Variants in EIF2S2 observed in about 807,000 individuals in gnomAD.
EIF2S2 encodes eukaryotic translation initiation factor 2 subunit beta.
Under a neutral mutation model 44.0 loss-of-function variants are expected in EIF2S2, and 4 were observed. That is an observed-to-expected ratio of 0.09 (90% confidence interval 0.04 to 0.21). EIF2S2 has a LOEUF of 0.21. EIF2S2 is among the 10% of genes least tolerant of loss of function. The pLI, the probability that EIF2S2 is intolerant of heterozygous loss-of-function variation, is 1.00. For missense variants in EIF2S2, 154 were observed against 392.0 expected (o/e 0.39, Z 5.13); for synonymous variants, 108 against 128.3 (o/e 0.84, Z 1.07).
At chr20:34,101,681 T>C (rs1051344271) in intron 3 of EIF2S2, among the ~76,000 whole-genome samples, 3 of 150,176 alleles carry the variant, frequency 2.0e-5, no homozygotes, top group African/African-American at 7.3e-5. Context: ...TTTTCTTTTT[T>C]TTTTTTTTTT....
chr20:34,092,649 A>G (rs2034180305), intron 7 of EIF2S2, among the ~76,000 whole-genome samples: 1 of 152,212 alleles, frequency 6.6e-6, no homozygotes, highest in Admixed American at 6.5e-5. Flanking sequence ...CCTGGGTGAC[A>G]GAGCGAGACT....
intron 7 of EIF2S2, among the ~76,000 whole-genome samples, chr20:34,091,362 A>G (rs1315569790): frequency 6.6e-6 from 1 of 152,236 alleles, no homozygotes. Flanking sequence ...GTTGATAAAA[A>G]TATACTAAAA....
At chr20:34,105,605 T>A (rs1227895739) in intron 1 of EIF2S2, 60 bp from the exon 2 acceptor site, 1 of 1,423,494 alleles carries the variant, frequency 7.0e-7, no homozygotes, top group Non-Finnish European at 9.4e-7. Flanking sequence ...ATGCTCACAT[T>A]CCAAATATGC....
At position 34,103,549 on chromosome 20, in the gene EIF2S2, T is replaced by C. The variant is rs1024666267; in HGVS notation, c.210A>G (p.Leu70=). ...TTTGATTAAAGAAGTTCAAGTCATC[T>C]AGATCATCAGAAGCATCTAAAAAGA... ...DTRKKDASDD[L]DDLNFFNQKK... is the part of the protein sequence containing the mutation. Residue 70 remains leucine (L), a synonymous_variant, in exon 3 of 9, where the codon CTA becomes CTG. Transcript: ENST00000374980. 3 of 1,571,142 alleles carry C rather than the reference T, an allele frequency of 1.9e-6. No individual in the cohort carries two copies. The highest frequency in any genetic ancestry group is 2.6e-6 in the Non-Finnish European group (3 of 1,157,244).
intron 6 of EIF2S2, among the ~76,000 whole-genome samples, chr20:34,095,876 A>T (rs2034222459): frequency 6.6e-6 from 1 of 152,250 alleles, no homozygotes; most frequent in African/African-American, 2.4e-5. Context: ...AAGAGTGGAT[A>T]AACTCAGTGG....
chr20:34,112,062 A>ATCCTTAGC, intron 1 of EIF2S2, 34 bp downstream of exon 1: 1 of 1,503,430 alleles, frequency 6.7e-7, no homozygotes, highest in South Asian at 1.3e-5. Context: ...TCTCGCCTCA[A>ATCCTTAGC]TCCTTAGCCC....
In EIF2S2 at chr20:34,103,506, T is replaced by G. The variant is rs542596772; in HGVS notation, c.253A>C (p.Thr85Pro). The change falls in exon 3 of 9, where the codon ACT becomes CCT. Residue 85 changes from threonine to proline, a missense_variant. Thr to Pro is a conservative substitution (Grantham distance 38). Around this residue, in one of 2 missense-constraint regions of EIF2S2, gnomAD observed 134 missense variants for 225.0 expected, o/e 0.60. Coordinates refer to ENST00000374980, the MANE Select transcript of EIF2S2 (RefSeq NM_003908.5). ...FFNQKKKKKK[T>P]KKIFDIDEAE... is the part of the protein sequence containing the mutation. ...TCATCAATATCAAATATCTTTTTAG[T>G]TTTTTTCTTCTTTTTCTTTTGATTA... The G allele has an allele frequency of 6.4e-6, 10 of 1,571,056 alleles. No homozygotes were observed. The South Asian group carries it at 1.2e-4, about 18-fold the overall frequency.
chr20:34,095,829 T>A (rs1442616476), intron 6 of EIF2S2, among the ~76,000 whole-genome samples: 1 of 152,188 alleles, frequency 6.6e-6, no homozygotes, highest in Non-Finnish European at 1.5e-5. Context: ...CCATATTTTC[T>A]ACAACAAGCA....
At chr20:34,108,096 T>C (rs2034369692) in intron 1 of EIF2S2, 1 of 152,182 alleles carries the variant, frequency 6.6e-6, no homozygotes, top group African/African-American at 2.4e-5. Context: ...TTACCATCCA[T>C]TTATTGCATT....
At chr20:34,098,881 C>T (rs2034263629) in intron 3 of EIF2S2, among the ~76,000 whole-genome samples, 1 of 152,132 alleles carries the variant, frequency 6.6e-6, no homozygotes. Flanking sequence ...GGAAAAAAAT[C>T]ACATATTCAA....
chr20:34,095,115 C>T (rs560917089), intron 6 of EIF2S2, among the ~76,000 whole-genome samples: 7 of 152,300 alleles, frequency 4.6e-5, no homozygotes, highest in East Asian at 3.9e-4. Context: ...GGAGCAGCCA[C>T]GTCCAACTTA....
chr20:34,090,628 CATT>C lies in EIF2S2; in HGVS notation c.741-29_741-27del, dbSNP rs748278461. On this transcript the variant is annotated intron_variant, in intron 7 of 8. Transcript: ENST00000374980. ...CTATGAAAGAAAACAAAAATATCTC[CATT>C]ATTATTGTTTTTTCCTAAAGGAACC... is the stretch of plus-strand genomic sequence containing the variant. The C allele has an allele frequency of 1.7e-5, 23 of 1,371,838 alleles. No homozygotes were observed. The Admixed American group carries it at 1.8e-4, about 11-fold the overall frequency. 85.0% of individuals were successfully genotyped at this position (1,371,838 alleles called of 1,614,324 possible).
chr20:34,096,953 C>T (rs1053948756), intron 5 of EIF2S2, 148 bp from the exon 6 acceptor site: 6 of 864,312 alleles, frequency 6.9e-6, no homozygotes, highest in Non-Finnish European at 1.1e-5. Flanking sequence ...TCCTTGAGGG[C>T]AGAGGTTCAT....
Position 34,091,778 on chromosome 20 carries a change from G to GT in EIF2S2, c.741-1177_741-1176insA, listed in dbSNP as rs2034167780. Among the ~76,000 whole-genome samples the GT allele has an allele frequency of 2.3e-5, 2 of 85,806 alleles. 1 individual carries two copies. Among genetic ancestry groups the GT allele is most frequent in the Non-Finnish European group, 5.3e-5 (2 of 37,874 alleles). The allele number at this position is 85,806 out of a possible 152,430, so 56.3% of individuals were successfully genotyped here. A position where few individuals can be genotyped will look rare whatever the true frequency, so the allele number is the denominator to read the frequency against. On this transcript the variant is annotated intron_variant, in intron 7 of 8. Coordinates refer to ENST00000374980, the MANE Select transcript of EIF2S2 (RefSeq NM_003908.5). ...TTATTTATATATATTTATTTTTTTG[G>GT]GGGGGGGGGGTCCAAGGGTGGAGGT...
At chr20:34,095,294 G>A (rs1441743425) in intron 6 of EIF2S2, among the ~76,000 whole-genome samples, 1 of 148,174 alleles carries the variant, frequency 6.7e-6, no homozygotes, top group Non-Finnish European at 1.5e-5. Context: ...ATTAAACTAT[G>A]ATAAGTTAGC....
At chr20:34,098,043 C>T (rs1210051591) in intron 4 of EIF2S2, among the ~76,000 whole-genome samples, 2 of 152,056 alleles carry the variant, frequency 1.3e-5, no homozygotes, top group African/African-American at 2.4e-5. Context: ...GTTGGGAGTT[C>T]GAGACCTGCC....
chr20:34,104,625 T>TA (rs1176618890), intron 2 of EIF2S2, among the ~76,000 whole-genome samples: 9 of 152,262 alleles, frequency 5.9e-5, no homozygotes, highest in Non-Finnish European at 1.3e-4. Flanking sequence ...AGTGAAATTT[T>TA]ACCTACCATT....
rs560353701 is a variant in EIF2S2 at position 34,105,270 on chromosome 20, C to G, written c.193+98G>C. On this transcript the variant is annotated intron_variant, in intron 2 of 8. Transcript: ENST00000374980. ...ATGGCCTTGACTTCACTGGAACAGC[C>G]TTGTCAGGCTGAGAGGTCGCTGCAT... is the stretch of plus-strand genomic sequence containing the variant. 3.6e-4 allele frequency: 481 copies of G among 1,344,338 alleles called. 3 individuals carry two copies. The South Asian group carries it at 4.8e-3, about 14-fold the overall frequency. The allele number at this position is 1,344,338 out of a possible 1,614,324, so 83.3% of individuals were successfully genotyped here. A position where few individuals can be genotyped will look rare whatever the true frequency, so the allele number is the denominator to read the frequency against.
chr20:34,095,547 T>G (rs2034218284), intron 6 of EIF2S2, among the ~76,000 whole-genome samples: 1 of 152,150 alleles, frequency 6.6e-6, no homozygotes, highest in Non-Finnish European at 1.5e-5. Context: ...CTCCTGACCT[T>G]GTGATCCGCC....
Sources: allele counts gnomAD v4.1 joint callset (sites outside exome capture counted in the v4.1 genomes callset), GRCh38; gene constraint gnomAD v4.1.1; regional missense constraint gnomAD v4.1.1; transcripts MANE v1.5; gene names NCBI Gene and HGNC (gene_info 2026-07-23, HGNC 2026-07-21).